The following SFPQ variants were observed in gnomAD, a reference collection of about 807,000 sequenced individuals.
The protein encoded by SFPQ is splicing factor proline and glutamine rich, also known as splicing factor, proline- and glutamine-rich.
In SFPQ, 11 loss-of-function variants were observed where a neutral mutation model predicts 72.9. The observed-to-expected ratio is 0.15, with a 90% CI of 0.09 to 0.25. The LOEUF (loss-of-function observed/expected upper bound fraction) is 0.25, where lower values mean the gene tolerates loss of function less well. Among genes scored for constraint, SFPQ ranks in the 10% least tolerant of loss-of-function variants. SFPQ has a pLI of 1.00. For missense variants in SFPQ, 847 were observed against 993.3 expected (o/e 0.85, Z 1.98); for synonymous variants, 506 against 367.3 (o/e 1.38, Z -4.32).
chr1:35,192,430 G>C lies in SFPQ; in HGVS notation c.620C>G (p.Pro207Arg). 7.0e-7 allele frequency: 1 copy of C among 1,422,736 alleles called. No individual in the cohort carries two copies. The highest frequency in any genetic ancestry group is 9.1e-7 in the Non-Finnish European group (1 of 1,096,520). 88.1% of individuals were successfully genotyped at this position (1,422,736 alleles called of 1,614,324 possible). Residue 207 changes from proline (P) to arginine (R), a missense_variant, in exon 1 of 10, where the codon CCC becomes CGC. Transcript: ENST00000357214. ...GPKQGPGPGG[P>R]KGGKMPGGPK... ...CCCGCCAGGCATTTTGCCGCCTTTG[G>C]GACCACCCGGACCTGGGCCCTGCTT...
In SFPQ at chr1:35,190,858, T is replaced by C. The variant is rs779008664; in HGVS notation, c.1155A>G (p.Glu385=). Residue 385 remains glutamate, a synonymous_variant, in exon 3 of 10, where the codon GAA becomes GAG. Coordinates refer to ENST00000357214, the MANE Select transcript of SFPQ (RefSeq NM_005066.3). ...VRNLSPYVSN[E]LLEEAFSQFG... ...ATTGGCTAAAGGCTTCTTCCAACAGTTCATTGGAAACATAAGGTGAAAGAT... is the reference window on the plus strand; with the variant it reads ...ATTGGCTAAAGGCTTCTTCCAACAGCTCATTGGAAACATAAGGTGAAAGAT... 1 of 1,614,180 alleles carries C rather than the reference T, an allele frequency of 6.2e-7. No homozygotes were observed. The highest frequency in any genetic ancestry group is 8.5e-7 in the Non-Finnish European group (1 of 1,180,034).
chr1:35,193,057 GTC>G lies in SFPQ; in HGVS notation c.-10_-9del. Reference sequence around the variant, plus strand: ...GAACCGATCCCGAGACATGTCTGTGGTCAAGGGGCGGTCGAGGCAAAAGCGAA... The same window carrying G: ...GAACCGATCCCGAGACATGTCTGTGGAAGGGGCGGTCGAGGCAAAAGCGAA... On this transcript the variant is annotated 5_prime_UTR_variant, in exon 1 of 10. Transcript: ENST00000357214. 6.4e-7 allele frequency: 1 copy of G among 1,554,310 alleles called. No homozygotes were observed. The highest frequency in any genetic ancestry group is 8.6e-7 in the Non-Finnish European group (1 of 1,159,780).
In SFPQ at chr1:35,183,793, C is replaced by T; in HGVS notation, c.*663G>A. Reference sequence around the variant, plus strand: ...CCATTTAATCAAACCCACTTTCACCCCCTACCAATTGTCTTACACCCATTC... The same window carrying T: ...CCATTTAATCAAACCCACTTTCACCTCCTACCAATTGTCTTACACCCATTC... On this transcript the variant is annotated 3_prime_UTR_variant, in exon 10 of 10. Coordinates refer to ENST00000357214, the MANE Select transcript of SFPQ (RefSeq NM_005066.3). 1 of 1,054,936 alleles carries T rather than the reference C, an allele frequency of 9.5e-7. No individual in the cohort carries two copies. Among genetic ancestry groups the T allele is most frequent in the South Asian group, 4.6e-5 (1 of 21,876 alleles). The allele number at this position is 1,054,936 out of a possible 1,614,324, so 65.3% of individuals were successfully genotyped here.
At chr1:35,181,599 T>C (rs1026455395), downstream of SFPQ, 24 of 1,060,460 alleles carry the variant, frequency 2.3e-5, no homozygotes, top group African/African-American at 2.5e-4. Context: ...GTCTTAACAA[T>C]ATGCAGTTTT....
rs761293729 is a variant in SFPQ at position 35,187,254 on chromosome 1, G to A, written c.1816-3C>T. 8 of 1,613,862 alleles carry A rather than the reference G, an allele frequency of 5.0e-6. No homozygotes were observed. In the South Asian group the frequency reaches 7.7e-5, roughly 16 times the overall value. On this transcript the variant is annotated splice_region_variant and splice_polypyrimidine_tract_variant and intron_variant, in intron 7 of 9. Transcript: ENST00000357214. The stretch of plus-strand genomic sequence containing the variant: ...CCCATTCGCATGTCTCTTTCCCGCT[G>A]CAAGAAAAAAATTCCTTTCAATATA...
rs1279206418 is a variant in SFPQ, at chr1:35,183,905, C to CTA, written c.*549_*550dup. 9.5e-7 allele frequency: 1 copy of CTA among 1,051,516 alleles called. No homozygotes were observed. The highest frequency in any genetic ancestry group is 1.1e-6 in the Non-Finnish European group (1 of 870,472). 65.1% of individuals were successfully genotyped at this position (1,051,516 alleles called of 1,614,324 possible). ...AAAATACTTAGCACCAGCGTGCTTCCTATATGCCAAACAAATCATCAAACT... is the reference window on the plus strand; with the variant it reads ...AAAATACTTAGCACCAGCGTGCTTCCTATATATGCCAAACAAATCATCAAACT... On this transcript the variant is annotated 3_prime_UTR_variant, in exon 10 of 10. Coordinates refer to ENST00000357214, the MANE Select transcript of SFPQ (RefSeq NM_005066.3).
chr1:35,188,283 G>A (rs1196703615), intron 6 of SFPQ, among the ~76,000 whole-genome samples, 193 bp from the exon 7 acceptor site: 2 of 152,192 alleles, frequency 1.3e-5, no homozygotes, highest in Non-Finnish European at 2.9e-5. Context: ...ATCTTACACT[G>A]TATTCGATTT....
At position 35,183,179 on chromosome 1, in the gene SFPQ, A is replaced by G; in HGVS notation, c.*1277T>C. ...AGTAGCACAAGGAGATGTAAAAGTT[A>G]CAGAGTACAAATGTATATATAACTA... On this transcript the variant is annotated 3_prime_UTR_variant, in exon 10 of 10. Transcript: ENST00000357214. 3.9e-6 allele frequency: 4 copies of G among 1,020,998 alleles called. No homozygotes were observed. The highest frequency in any genetic ancestry group is 4.7e-6 in the Non-Finnish European group (4 of 850,964). The allele number at this position is 1,020,998 out of a possible 1,614,324, so 63.2% of individuals were successfully genotyped here.
At position 35,184,004 on chromosome 1, in the gene SFPQ, T is replaced by C. The variant is rs115809018; in HGVS notation, c.*452A>G. The C allele has an allele frequency of 1.5e-3, 1,590 of 1,057,332 alleles. 10 individuals are homozygous for C. In the South Asian group the frequency reaches 0.021, roughly 14 times the overall value. The allele number at this position is 1,057,332 out of a possible 1,614,324, so 65.5% of individuals were successfully genotyped here. On this transcript the variant is annotated 3_prime_UTR_variant, in exon 10 of 10. Coordinates refer to ENST00000357214, the MANE Select transcript of SFPQ (RefSeq NM_005066.3). ...TAGAAAGCAATACTTAGCCTCCAGA[T>C]GCATTTCCCAGAAATGGCATATGCC...
chr1:35,180,812 GT>G, downstream of SFPQ: 1 of 985,380 alleles, frequency 1.0e-6, no homozygotes, highest in Non-Finnish European at 1.2e-6. Flanking sequence ...CCCAAGTATA[GT>G]TTAGTTCCCT....
At chr1:35,176,536 A>G (rs549314281) in intron 5 of SFPQ, 43 of 152,254 alleles carry the variant, frequency 2.8e-4, no homozygotes, top group African/African-American at 1.0e-3. Context: ...ATTCTCAAAC[A>G]TAACATTATA....
intron 6 of SFPQ, among the ~76,000 whole-genome samples, 191 bp downstream of exon 6, chr1:35,188,812 T>TTA (rs1183557694): frequency 6.6e-6 from 1 of 152,096 alleles, no homozygotes; most frequent in Non-Finnish European, 1.5e-5. Flanking sequence ...ACAGGAAGAA[T>TTA]TAGCCAGGTG....
downstream of SFPQ, chr1:35,180,716 A>C: frequency 9.4e-7 from 1 of 1,058,966 alleles, no homozygotes; most frequent in Non-Finnish European, 1.1e-6. Flanking sequence ...GATATTGCCG[A>C]TCTATGGGCA....
chr1:35,192,551 G>A lies in SFPQ; in HGVS notation c.499C>T (p.Pro167Ser). 4.5e-6 allele frequency: 6 copies of A among 1,327,624 alleles called. No individual in the cohort carries two copies. The South Asian group carries it at 1.0e-4, about 23-fold the overall frequency. The allele number at this position is 1,327,624 out of a possible 1,614,324, so 82.2% of individuals were successfully genotyped here. Residue 167 changes from proline (P) to serine (S), a missense_variant, in exon 1 of 10, where the codon CCC becomes TCC. Pro to Ser is a moderately conservative substitution (Grantham distance 74). Around this residue, in one of 6 missense-constraint regions of SFPQ, gnomAD observed 498 missense variants for 405.1 expected, o/e 1.23. Coordinates refer to ENST00000357214, the MANE Select transcript of SFPQ (RefSeq NM_005066.3). The stretch of plus-strand genomic sequence containing the variant: ...GGGACCCCGCTGCTTGGCGGGGTGG[G>A]TGGCGGCGCCCCGGGAGGGGCCGAG... ...VTSAPPGAPP[P>S]TPPSSGVPTT... is the part of the protein sequence containing the mutation.
At chr1:35,189,879 A>G (rs1290144477) in intron 4 of SFPQ, among the ~76,000 whole-genome samples, 1 of 152,008 alleles carries the variant, frequency 6.6e-6, no homozygotes, top group Non-Finnish European at 1.5e-5. Flanking sequence ...TGAACCCGGG[A>G]GGCAAAGATT....
chr1:35,178,889 A>C (rs1464080453), downstream of SFPQ: 1 of 1,030,268 alleles, frequency 9.7e-7, no homozygotes, highest in Non-Finnish European at 1.2e-6. Context: ...ACTCTCAAAA[A>C]AAAAAAAAAA....
At position 35,189,362 on chromosome 1, in the gene SFPQ, C is replaced by T. The variant is rs1553153738; in HGVS notation, c.1436G>A (p.Arg479His). Residue 479 changes from arginine to histidine, a missense_variant, in exon 5 of 10, where the codon CGT becomes CAT. Around this residue, in one of 6 missense-constraint regions of SFPQ, gnomAD observed 132 missense variants for 255.4 expected, o/e 0.52. Transcript: ENST00000357214. ...MYQKERETPP[R>H]FAQHGTFEYE... ...CTCAAACGTGCCATGCTGGGCAAAA[C>T]GAGGAGGGGTTTCTCTCTCCCTAAC... The T allele has an allele frequency of 1.9e-6, 3 of 1,613,776 alleles. No individual in the cohort carries two copies. The highest frequency in any genetic ancestry group is 2.2e-5 in the South Asian group (2 of 91,036).
chr1:35,180,526 T>G (rs1020464919), downstream of SFPQ: 1 of 1,049,144 alleles, frequency 9.5e-7, no homozygotes, highest in South Asian at 4.6e-5. Flanking sequence ...TATAGACACA[T>G]TTAGACAAGT....
At chr1:35,178,309 G>A, downstream of SFPQ, 2 of 1,088,766 alleles carry the variant, frequency 1.8e-6, no homozygotes, top group Non-Finnish European at 2.2e-6. Context: ...CTGAGCACAA[G>A]TTTGACTGCA....
Sources: allele counts gnomAD v4.1 joint callset (sites outside exome capture counted in the v4.1 genomes callset), GRCh38; gene constraint gnomAD v4.1.1; regional missense constraint gnomAD v4.1.1; transcripts MANE v1.5; gene names NCBI Gene and HGNC (gene_info 2026-07-23, HGNC 2026-07-21).